CUL9: variants seen among roughly 807,000 people sequenced by gnomAD.
The protein encoded by CUL9 is cullin 9.
In CUL9, 79 loss-of-function variants were observed where a neutral mutation model predicts 272.6. The ratio of observed to expected loss-of-function variants is 0.29; its 90% CI spans 0.24 to 0.35. CUL9 has a LOEUF of 0.35. Ranked by LOEUF, CUL9 falls within the 10% of genes least tolerant of loss-of-function variation. The pLI is 1.00. For missense variants in CUL9, 2,532 were observed against 3,255.6 expected (o/e 0.78, Z 5.41); for synonymous variants, 1,186 against 1,286.5 (o/e 0.92, Z 1.67).
chr6:43,208,160 A>C (rs991340545), intron 26 of CUL9, among the ~76,000 whole-genome samples: 1 of 152,230 alleles, frequency 6.6e-6, no homozygotes, highest in Non-Finnish European at 1.5e-5. Context: ...TGTGGCTAAT[A>C]TAACTGAGGA....
intron 1 of CUL9, among the ~76,000 whole-genome samples, chr6:43,182,451 C>T (rs1441197019): frequency 6.7e-6 from 1 of 150,344 alleles, no homozygotes; most frequent in Non-Finnish European, 1.5e-5. Context: ...GTGCTGGCCT[C>T]CTCCACCTCC....
At chr6:43,210,621 A>C (rs1775398517) in intron 26 of CUL9, among the ~76,000 whole-genome samples, 1 of 152,138 alleles carries the variant, frequency 6.6e-6, no homozygotes, top group South Asian at 2.1e-4. Context: ...CCATACCCTT[A>C]ATGTTTTAGG....
At chr6:43,186,855 C>T (rs1484163102) in intron 4 of CUL9, 105 bp from the exon 5 acceptor site, 30 of 1,362,656 alleles carry the variant, frequency 2.2e-5, no homozygotes, top group East Asian at 4.6e-5. Flanking sequence ...TCTGAGGGTG[C>T]GCCCCAGATC....
Position 43,220,772 on chromosome 6 carries a change from A to G in CUL9, c.6449A>G (p.Tyr2150Cys), listed in dbSNP as rs1776299787. Residue 2150 changes from tyrosine (Y) to cysteine (C), a missense_variant, in exon 33 of 41, where the codon TAT becomes TGT. Tyr to Cys is a radical substitution (Grantham distance 194). This residue lies in a region of CUL9 where 2,218 missense variants were observed against 2,788.6 expected (regional missense o/e 0.80). Coordinates refer to ENST00000252050, the MANE Select transcript of CUL9 (RefSeq NM_015089.4). The surrounding 1 kb of genome is among the most constrained non-coding windows in gnomAD (Gnocchi z 4.9). The stretch of plus-strand genomic sequence containing the variant: ...TATGAGAAGGCGCTCCTGCGTGGCT[A>G]TGTGGAGAGCTGCTCCAACCTGACC... ...SKYEKALLRGYVESCSNLTWC... is the reference protein window; with the variant it reads ...SKYEKALLRGCVESCSNLTWC... 6.2e-7 allele frequency: 1 copy of G among 1,613,174 alleles called. No individual in the cohort carries two copies. Among genetic ancestry groups the G allele is most frequent in the Non-Finnish European group, 8.5e-7 (1 of 1,179,970 alleles).
chr6:43,222,905 C>T lies in CUL9; in HGVS notation c.7150+9C>T, dbSNP rs374653566. ...CCTGCAGATCCTCCTGGGTGAGCCA[C>T]CCCTGCCAGCCAGGCCCTCCTCCTG... is the stretch of plus-strand genomic sequence containing the variant. On this transcript the variant is annotated intron_variant, in intron 38 of 40. Coordinates refer to ENST00000252050, the MANE Select transcript of CUL9 (RefSeq NM_015089.4). The T allele has an allele frequency of 6.2e-7, 1 of 1,608,996 alleles. No individual in the cohort carries two copies. The highest frequency in any genetic ancestry group is 1.3e-5 in the African/African-American group (1 of 74,830).
rs1452318139 is a variant in CUL9 at position 43,223,301 on chromosome 6, C to T, written c.7188C>T (p.Ser2396=). 6.3e-7 allele frequency: 1 copy of T among 1,599,582 alleles called. No individual in the cohort carries two copies. Among genetic ancestry groups the T allele is most frequent in the Non-Finnish European group, 8.5e-7 (1 of 1,173,322 alleles). The change falls in exon 39 of 41, where the codon TCC becomes TCT. Residue 2396 remains serine (S), a synonymous_variant. Transcript: ENST00000252050. This position sits in a 1 kb window ranked among gnomAD's most constrained non-coding sequence, Gnocchi z 4.1. ...TLLRCRDLAS[S]LRLLRADCLS... ...TGCGGTGCAGAGACCTGGCCTCCTCCCTGCGCCTCCTGCGGGCCGACTGCC... is the reference window on the plus strand; with the variant it reads ...TGCGGTGCAGAGACCTGGCCTCCTCTCTGCGCCTCCTGCGGGCCGACTGCC...
At chr6:43,205,487 G>C in intron 24 of CUL9, 64 bp downstream of exon 24, 1 of 1,556,290 alleles carries the variant, frequency 6.4e-7, no homozygotes, top group Non-Finnish European at 8.8e-7. Context: ...AAAGATTTGA[G>C]TCTTATAGGG....
In CUL9 at chr6:43,200,426, C is replaced by T. The variant is rs778466985; in HGVS notation, c.3385-10C>T. On this transcript the variant is annotated splice_polypyrimidine_tract_variant and intron_variant, in intron 14 of 40. Transcript: ENST00000252050. This position sits in a 1 kb window ranked among gnomAD's most constrained non-coding sequence, Gnocchi z 4.0. Reference sequence around the variant, plus strand: ...CCTCTTCCTCATTCTCCCTGATGTTCCGGCTGCAGATGGTGCTGGGCCAGA... The same window carrying T: ...CCTCTTCCTCATTCTCCCTGATGTTTCGGCTGCAGATGGTGCTGGGCCAGA... 4 of 1,614,072 alleles carry T rather than the reference C, an allele frequency of 2.5e-6. No individual in the cohort carries two copies. The highest frequency in any genetic ancestry group is 1.3e-5 in the African/African-American group (1 of 75,012).
In CUL9 at chr6:43,187,076, G is replaced by T. The variant is rs1444688037; in HGVS notation, c.1368G>T (p.Gly456=). Residue 456 remains glycine (G), a synonymous_variant, in exon 5 of 41, where the codon GGG becomes GGT. Transcript: ENST00000252050. Reference sequence around the variant, plus strand: ...CAGCAGCTGTGGAGAAGGGGGCAGGGGCTACTGTGTTGGGCACAGGTGAGC... The same window carrying T: ...CAGCAGCTGTGGAGAAGGGGGCAGGTGCTACTGTGTTGGGCACAGGTGAGC... The part of the protein sequence containing the change: ...KASAAVEKGA[G]ATVLGTAFPS... 2.5e-6 allele frequency: 4 copies of T among 1,613,924 alleles called. No individual in the cohort carries two copies. In the African/African-American group the frequency reaches 4.0e-5, roughly 16 times the overall value.
At position 43,220,313 on chromosome 6, in the gene CUL9, G is replaced by T; in HGVS notation, c.6283-146G>T. 2.2e-6 allele frequency: 2 copies of T among 895,018 alleles called. No individual in the cohort carries two copies. The highest frequency in any genetic ancestry group is 3.5e-6 in the Non-Finnish European group (2 of 576,904). The allele number at this position is 895,018 out of a possible 1,614,324, so 55.4% of individuals were successfully genotyped here. On this transcript the variant is annotated intron_variant, in intron 31 of 40. Transcript: ENST00000252050. The surrounding 1 kb of genome is among the most constrained non-coding windows in gnomAD (Gnocchi z 4.9). ...AAAGCTGGAGAGAGGAGTCAGCATT[G>T]GTTGATCTAGAGGCAGGCTTGTTTC... is the stretch of plus-strand genomic sequence containing the variant.
Position 43,204,467 on chromosome 6 carries a change from C to T in CUL9, c.4267C>T (p.Arg1423Cys), listed in dbSNP as rs368858642. Reference protein sequence around the residue: ...SRAASFASRVRRLCHLLVHVE... With the variant: ...SRAASFASRVCRLCHLLVHVE... ...AGCAGCGTCCTTTGCTTCTCGAGTT[C>T]GTCGCCTTTGCCACTTGCTGGTGCA... Residue 1423 changes from arginine to cysteine, a missense_variant, in exon 21 of 41, where the codon CGT (arginine) becomes TGT (cysteine). Transcript: ENST00000252050. 1.9e-5 allele frequency: 31 copies of T among 1,614,026 alleles called. 1 individual carries two copies. Among genetic ancestry groups the T allele is most frequent in the East Asian group, 2.2e-5 (1 of 44,878 alleles).
rs2150572040 is a variant in CUL9 at position 43,200,338 on chromosome 6, A to G, written c.3385-98A>G. On this transcript the variant is annotated intron_variant, in intron 14 of 40. Transcript: ENST00000252050. This position sits in a 1 kb window ranked among gnomAD's most constrained non-coding sequence, Gnocchi z 4.0. Reference sequence around the variant, plus strand: ...ATGTGGGGAGAGAGGAGTTGAGTATACCGTTGACCCTTGACTTTTTCTCTC... The same window carrying G: ...ATGTGGGGAGAGAGGAGTTGAGTATGCCGTTGACCCTTGACTTTTTCTCTC... 1.9e-6 allele frequency: 3 copies of G among 1,591,204 alleles called. No individual in the cohort carries two copies. Among genetic ancestry groups the G allele is most frequent in the East Asian group, 2.2e-5 (1 of 44,682 alleles).
intron 31 of CUL9, among the ~76,000 whole-genome samples, chr6:43,217,076 T>C (rs1043455270): frequency 4.6e-5 from 7 of 151,722 alleles, no homozygotes; most frequent in African/African-American, 1.7e-4. Context: ...AAAATAGGCC[T>C]GGTGAGGTAG....
rs374769752 is a variant in CUL9, at chr6:43,203,466, C to T, written c.3899C>T (p.Pro1300Leu). ...VRGVEVLGPKPTFWPLFREQL... is the reference protein window; with the variant it reads ...VRGVEVLGPKLTFWPLFREQL... ...GGTGTGGAGGTCCTGGGCCCTAAGC[C>T]CACATTCTGGCCACTGTTCCGGGAG... is the stretch of plus-strand genomic sequence containing the variant. The change falls in exon 19 of 41, where the codon CCC becomes CTC. Residue 1300 changes from proline (P) to leucine (L), a missense_variant. Physicochemically the swap from Pro to Leu is moderately conservative, Grantham distance 98. Around this residue, in one of 3 missense-constraint regions of CUL9, gnomAD observed 2,218 missense variants for 2,788.6 expected, o/e 0.80. Coordinates refer to ENST00000252050, the MANE Select transcript of CUL9 (RefSeq NM_015089.4). The surrounding 1 kb of genome is among the most constrained non-coding windows in gnomAD (Gnocchi z 5.0). The T allele has an allele frequency of 3.7e-6, 6 of 1,614,026 alleles. No homozygotes were observed. Among genetic ancestry groups the T allele is most frequent in the Non-Finnish European group, 5.1e-6 (6 of 1,180,040 alleles).
At position 43,184,558 on chromosome 6, in the gene CUL9, G is replaced by A. The variant is rs371301456; in HGVS notation, c.248G>A (p.Arg83Gln). 57 of 1,613,164 alleles carry A rather than the reference G, an allele frequency of 3.5e-5. No individual in the cohort carries two copies. Among genetic ancestry groups the A allele is most frequent in the East Asian group, 1.8e-4 (8 of 44,852 alleles). The change falls in exon 2 of 41, where the codon CGG becomes CAG. Residue 83 changes from arginine (R) to glutamine (Q), a missense_variant. By Grantham distance (43) the Arg-to-Gln change is conservative. Around this residue, in one of 3 missense-constraint regions of CUL9, gnomAD observed 2,218 missense variants for 2,788.6 expected, o/e 0.80. Coordinates refer to ENST00000252050, the MANE Select transcript of CUL9 (RefSeq NM_015089.4). The surrounding 1 kb of genome is among the most constrained non-coding windows in gnomAD (Gnocchi z 4.8). ...YANCPGLLGE[R>Q]ALSKGLQHEP... ...AACTGCCCTGGGCTGTTAGGTGAGC[G>A]GGCACTATCTAAGGGACTTCAGCAC...
At position 43,203,057 on chromosome 6, in the gene CUL9, A is replaced by G. The variant is rs1472097061; in HGVS notation, c.3754-52A>G. On this transcript the variant is annotated intron_variant, in intron 17 of 40. Coordinates refer to ENST00000252050, the MANE Select transcript of CUL9 (RefSeq NM_015089.4). The surrounding 1 kb of genome is among the most constrained non-coding windows in gnomAD (Gnocchi z 5.0). ...TTGGTTACTGTCAACAATTTTTCCAACCTTGTTTCTGGAGGTGACAGTTCT... is the reference window on the plus strand; with the variant it reads ...TTGGTTACTGTCAACAATTTTTCCAGCCTTGTTTCTGGAGGTGACAGTTCT... 7 of 1,597,114 alleles carry G rather than the reference A, an allele frequency of 4.4e-6. No individual in the cohort carries two copies. The East Asian group carries it at 1.1e-4, about 25-fold the overall frequency.
chr6:43,206,339 G>C lies in CUL9; in HGVS notation c.5041G>C (p.Glu1681Gln). ...EEEEEEEEEE[E>Q]AEKELFIEDP... ...CCCTCAGGAGGAAGAGGAGGAAGAGGAAGCTGAGAAAGAATTATTTATCGA... is the reference window on the plus strand; with the variant it reads ...CCCTCAGGAGGAAGAGGAGGAAGAGCAAGCTGAGAAAGAATTATTTATCGA... Residue 1681 changes from glutamate (E) to glutamine (Q), a missense_variant, in exon 26 of 41, where the codon GAA becomes CAA. Physicochemically the swap from Glu to Gln is conservative, Grantham distance 29 (BLOSUM62 2). Coordinates refer to ENST00000252050, the MANE Select transcript of CUL9 (RefSeq NM_015089.4). The surrounding 1 kb of genome is among the most constrained non-coding windows in gnomAD (Gnocchi z 4.8). 2.5e-6 allele frequency: 4 copies of C among 1,614,096 alleles called. No individual in the cohort carries two copies. Among genetic ancestry groups the C allele is most frequent in the Non-Finnish European group, 2.5e-6 (3 of 1,179,996 alleles).
chr6:43,213,076 T>C lies in CUL9; in HGVS notation c.5213-73T>C. ...CCATAGGGACTAGTAGGAGCAAAGC[T>C]TGACACCTCAACCCCTAAACCCCTT... On this transcript the variant is annotated intron_variant, in intron 26 of 40. Coordinates refer to ENST00000252050, the MANE Select transcript of CUL9 (RefSeq NM_015089.4). This position sits in a 1 kb window ranked among gnomAD's most constrained non-coding sequence, Gnocchi z 5.7. 1 of 1,550,064 alleles carries C rather than the reference T, an allele frequency of 6.5e-7. No homozygotes were observed.
At position 43,221,153 on chromosome 6, in the gene CUL9, C is replaced by A. The variant is rs1434702278; in HGVS notation, c.6589-5C>A. On this transcript the variant is annotated splice_polypyrimidine_tract_variant and splice_region_variant and intron_variant, in intron 33 of 40. Coordinates refer to ENST00000252050, the MANE Select transcript of CUL9 (RefSeq NM_015089.4). This position sits in a 1 kb window ranked among gnomAD's most constrained non-coding sequence, Gnocchi z 4.2. ...CTGTGTCCCCACCATGCCCTCTTGC[C>A]TTAGGCACACTACCCTGCTAGCTGT... 9 of 1,610,188 alleles carry A rather than the reference C, an allele frequency of 5.6e-6. No homozygotes were observed. The highest frequency in any genetic ancestry group is 1.7e-4 in the Middle Eastern group (1 of 6,044).
Sources: gnomAD v4.1 joint callset for allele counts (sites outside exome capture counted in the v4.1 genomes callset) on GRCh38, gnomAD v4.1.1 for gene constraint, gnomAD v4.1.1 regional missense constraint, Gnocchi (gnomAD v3.1) non-coding constraint, MANE v1.5 for transcripts, NCBI Gene and HGNC (gene_info 2026-07-23, HGNC 2026-07-21) for gene names.